The following TUBGCP4 variants were observed in gnomAD, a reference collection of about 807,000 sequenced individuals.
TUBGCP4 encodes tubulin gamma complex component 4.
In TUBGCP4, 54 loss-of-function variants were observed where a neutral mutation model predicts 91.6. The observed-to-expected ratio is 0.59, with a 90% confidence interval of 0.47 to 0.74. TUBGCP4 has a LOEUF of 0.74. TUBGCP4 is among the 30% of genes least tolerant of loss of function. TUBGCP4 has a pLI of 0.00. For synonymous variants in TUBGCP4, 297 were observed against 302.8 expected (o/e 0.98, Z 0.20); for missense variants, 593 against 800.9 (o/e 0.74, Z 3.13).
chr15:43,371,420 G>T lies in TUBGCP4; in HGVS notation c.66G>T (p.Arg22=). The T allele has an allele frequency of 6.2e-7, 1 of 1,614,132 alleles. No individual in the cohort carries two copies. The highest frequency in any genetic ancestry group is 1.1e-5 in the South Asian group (1 of 91,072). Residue 22 remains arginine (R), a synonymous_variant, in exon 1 of 18, where the codon CGG becomes CGT. Transcript: ENST00000564079. The stretch of plus-strand genomic sequence containing the variant: ...GGTCCATTTTCACCTGGAACAAGCG[G>T]AGTGGCCTGCAGGTACTGTCCGGCG... ...YPGSIFTWNK[R]SGLQVSQDFP...
Position 43,407,904 on chromosome 15 carries a change from T to A in TUBGCP4, c.*2690T>A, listed in dbSNP as rs534931140. On this transcript the variant is annotated 3_prime_UTR_variant, in exon 18 of 18. Transcript: ENST00000564079. ...CCTAACACCTACAGGTCTAAGGAGA[T>A]CCCTGGAACAAAGACACTACACACA... The A allele has an allele frequency of 8.8e-6, 14 of 1,589,718 alleles. No individual in the cohort carries two copies. In the African/African-American group the frequency reaches 1.7e-4, roughly 20 times the overall value.
At position 43,386,279 on chromosome 15, in the gene TUBGCP4, C is replaced by T. The variant is rs756344701; in HGVS notation, c.963C>T (p.Ser321=). The T allele has an allele frequency of 1.3e-6, 2 of 1,581,924 alleles. No individual in the cohort carries two copies. Among genetic ancestry groups the T allele is most frequent in the Non-Finnish European group, 1.7e-6 (2 of 1,167,328 alleles). Residue 321 remains serine, a synonymous_variant, in exon 9 of 18, where the codon AGC becomes AGT. Coordinates refer to ENST00000564079, the MANE Select transcript of TUBGCP4 (RefSeq NM_014444.5). ...GTCTCAAGCAGCAGCCACTCTTCAG[C>T]TTGGTGGACTTTGAACAGGTGGTGG... ...LHRLKQQPLF[S]LVDFEQVVDR...
In TUBGCP4 at chr15:43,371,188, TC is replaced by T; in HGVS notation, c.-164del. On this transcript the variant is annotated 5_prime_UTR_variant, in exon 1 of 18. Transcript: ENST00000564079. ...ACTCCCCCGCGACCCCTTCCCAGCT[TC>T]CCGTCCGCTCCGCCGCAGCGATTGT... 1 of 689,932 alleles carries T rather than the reference TC, an allele frequency of 1.4e-6. No homozygotes were observed. Among genetic ancestry groups the T allele is most frequent in the Admixed American group, 2.6e-5 (1 of 38,588 alleles). 42.7% of individuals were successfully genotyped at this position (689,932 alleles called of 1,614,324 possible). A position where few individuals can be genotyped will look rare whatever the true frequency, so the allele number is the denominator to read the frequency against.
At position 43,405,406 on chromosome 15, in the gene TUBGCP4, C is replaced by A; in HGVS notation, c.*192C>A. The A allele has an allele frequency of 1.6e-6, 1 of 628,316 alleles. No individual in the cohort carries two copies. 38.9% of individuals were successfully genotyped at this position (628,316 alleles called of 1,614,324 possible). Reference sequence around the variant, plus strand: ...TCCCATCATTCCCATGTGGAAGGGTCTCTCCCATCAAGGAGAACATGTGGC... The same window carrying A: ...TCCCATCATTCCCATGTGGAAGGGTATCTCCCATCAAGGAGAACATGTGGC... On this transcript the variant is annotated 3_prime_UTR_variant, in exon 18 of 18. Transcript: ENST00000564079.
chr15:43,397,940 G>C (rs376392323), intron 12 of TUBGCP4, 101 bp from the exon 13 acceptor site: 78 of 1,251,418 alleles, frequency 6.2e-5, no homozygotes, highest in Middle Eastern at 2.8e-4. Flanking sequence ...TTGAACTCCT[G>C]TGAGCTCTAG....
rs2044649896 is a variant in TUBGCP4, at chr15:43,400,225, T to C, written c.1596+4T>C. The C allele has an allele frequency of 6.2e-7, 1 of 1,613,576 alleles. No individual in the cohort carries two copies. Among genetic ancestry groups the C allele is most frequent in the African/African-American group, 1.3e-5 (1 of 75,004 alleles). On this transcript the variant is annotated splice_donor_region_variant and intron_variant, in intron 14 of 17. Transcript: ENST00000564079. ...TAATCTTCAGTACTATCTCCAGGTC[T>C]GTGCTAAGAGATGAGTAGAAGGAAG...
intron 9 of TUBGCP4, 47 bp downstream of exon 9, chr15:43,386,377 A>ATATATATAT (rs1555394852): frequency 5.2e-5 from 1 of 19,092 alleles, no homozygotes; most frequent in Non-Finnish European, 8.0e-5. Flanking sequence ...ATATATATAT[A>ATATATATAT]TTTTTTTTTT....
Position 43,400,237 on chromosome 15 carries a change from T to C in TUBGCP4, c.1596+16T>C. On this transcript the variant is annotated intron_variant, in intron 14 of 17. Transcript: ENST00000564079. Reference sequence around the variant, plus strand: ...CTATCTCCAGGTCTGTGCTAAGAGATGAGTAGAAGGAAGGGGTACGGAAAA... The same window carrying C: ...CTATCTCCAGGTCTGTGCTAAGAGACGAGTAGAAGGAAGGGGTACGGAAAA... 1.2e-6 allele frequency: 2 copies of C among 1,609,032 alleles called. No individual in the cohort carries two copies. The highest frequency in any genetic ancestry group is 1.1e-5 in the South Asian group (1 of 90,846).
Position 43,409,092 on chromosome 15 carries a change from T to G in TUBGCP4, c.*3878T>G, listed in dbSNP as rs908899319. ...AATTAGAAGACACTGGTAAGCTGTG[T>G]TACACTGCAAGAAAAGAAGCAGAGC... On this transcript the variant is annotated 3_prime_UTR_variant, in exon 18 of 18. Coordinates refer to ENST00000564079, the MANE Select transcript of TUBGCP4 (RefSeq NM_014444.5). 2 of 1,614,178 alleles carry G rather than the reference T, an allele frequency of 1.2e-6. No individual in the cohort carries two copies. Among genetic ancestry groups the G allele is most frequent in the Non-Finnish European group, 8.5e-7 (1 of 1,180,004 alleles).
In TUBGCP4 at chr15:43,401,655, C is replaced by G. The variant is rs1349683516; in HGVS notation, c.1597-61C>G. On this transcript the variant is annotated intron_variant, in intron 14 of 17. Coordinates refer to ENST00000564079, the MANE Select transcript of TUBGCP4 (RefSeq NM_014444.5). ...ATTTTCATTTCAATCTGTCAGGCATCTTAATGTCTTCGAGTGCTTAGAATA... is the reference window on the plus strand; with the variant it reads ...ATTTTCATTTCAATCTGTCAGGCATGTTAATGTCTTCGAGTGCTTAGAATA... 12 of 1,566,366 alleles carry G rather than the reference C, an allele frequency of 7.7e-6. No homozygotes were observed. The Admixed American group carries it at 2.1e-4, about 28-fold the overall frequency.
chr15:43,397,741 C>T (rs955594810), intron 12 of TUBGCP4, among the ~76,000 whole-genome samples: 5 of 152,140 alleles, frequency 3.3e-5, no homozygotes, highest in Admixed American at 1.3e-4. Context: ...GACAGAGTCT[C>T]ACTCTGTTGA....
chr15:43,380,354 A>T (rs1350738840), intron 6 of TUBGCP4, among the ~76,000 whole-genome samples, 191 bp downstream of exon 6: 1 of 152,262 alleles, frequency 6.6e-6, no homozygotes, highest in African/African-American at 2.4e-5. Context: ...AAAGGGCTAT[A>T]GAGTGTTGAG....
At chr15:43,380,610 A>G (rs1408744959) in intron 6 of TUBGCP4, among the ~76,000 whole-genome samples, 1 of 152,272 alleles carries the variant, frequency 6.6e-6, no homozygotes, top group Non-Finnish European at 1.5e-5. Flanking sequence ...GAAAATAACT[A>G]TATGCACAAA....
Position 43,408,842 on chromosome 15 carries a change from C to T in TUBGCP4, c.*3628C>T, listed in dbSNP as rs2045016647. Reference sequence around the variant, plus strand: ...CTCTCTCACCTAGATTCTCTTCCCTCCAAAGCTTGCTGTCCTCCTGCCTAT... The same window carrying T: ...CTCTCTCACCTAGATTCTCTTCCCTTCAAAGCTTGCTGTCCTCCTGCCTAT... On this transcript the variant is annotated 3_prime_UTR_variant, in exon 18 of 18. Transcript: ENST00000564079. 56 of 1,563,684 alleles carry T rather than the reference C, an allele frequency of 3.6e-5. No homozygotes were observed. Among genetic ancestry groups the T allele is most frequent in the Non-Finnish European group, 4.8e-5 (55 of 1,135,632 alleles).
intron 7 of TUBGCP4, among the ~76,000 whole-genome samples, chr15:43,384,082 G>A (rs1473465640): frequency 6.6e-6 from 1 of 152,172 alleles, no homozygotes; most frequent in Non-Finnish European, 1.5e-5. Context: ...TAAGTGTTGG[G>A]ATTACAGGCA....
chr15:43,383,558 G>A (rs922676708), intron 7 of TUBGCP4, 54 bp downstream of exon 7: 1 of 1,471,254 alleles, frequency 6.8e-7, no homozygotes. Flanking sequence ...AGAAAAGCAT[G>A]CACACAAATG....
chr15:43,385,464 GAGA>G, intron 7 of TUBGCP4: 1 of 459,684 alleles, frequency 2.2e-6, no homozygotes. Flanking sequence ...AAGACATAGA[GAGA>G]AGACCTGGAA....
intron 1 of TUBGCP4, among the ~76,000 whole-genome samples, chr15:43,372,945 C>T (rs1006093772): frequency 1.3e-5 from 2 of 152,130 alleles, no homozygotes; most frequent in African/African-American, 4.8e-5. Context: ...ACCCAGAGCA[C>T]CTAGCACAGT....
chr15:43,371,211 T>G lies in TUBGCP4; in HGVS notation c.-144T>G. ...CTTCCCGTCCGCTCCGCCGCAGCGA[T>G]TGTCTCGGTGGGTTGATTCGGCACA... On this transcript the variant is annotated 5_prime_UTR_variant, in exon 1 of 18. Transcript: ENST00000564079. 3.9e-5 allele frequency: 30 copies of G among 769,876 alleles called. No individual in the cohort carries two copies. Among genetic ancestry groups the G allele is most frequent in the Non-Finnish European group, 5.7e-5 (27 of 473,632 alleles). The allele number at this position is 769,876 out of a possible 1,614,324, so 47.7% of individuals were successfully genotyped here. A position where few individuals can be genotyped will look rare whatever the true frequency, so the allele number is the denominator to read the frequency against.
Sources: gnomAD v4.1 joint callset for allele counts (sites outside exome capture counted in the v4.1 genomes callset) on GRCh38, gnomAD v4.1.1 for gene constraint, MANE v1.5 for transcripts, NCBI Gene and HGNC (gene_info 2026-07-23, HGNC 2026-07-21) for gene names.